Variants in AP1S3 observed in about 807,000 individuals in gnomAD.
AP1S3 encodes the protein adaptor related protein complex 1 subunit sigma 3, also known as AP-1 complex subunit sigma-3.
AP1S3 carries 10 observed loss-of-function variants against 20.9 expected under a neutral mutation model. The ratio of observed to expected loss-of-function variants is 0.48; its 90% CI spans 0.29 to 0.81. The LOEUF (loss-of-function observed/expected upper bound fraction) is 0.81. AP1S3 is among the 30% of genes least tolerant of loss of function. The probability of loss-of-function intolerance (pLI) is 0.08; values close to 1 mark genes in which losing one functional copy is unlikely to be tolerated. For missense variants in AP1S3, 154 were observed against 183.8 expected, an observed-to-expected ratio of 0.84 and a Z score of 0.94; for synonymous variants, 41 against 61.5, an observed-to-expected ratio of 0.67 and a Z score of 1.56.
chr2:223,799,848 A>G (rs1249316782), intron 1 of AP1S3, among the ~76,000 whole-genome samples: 1 of 152,212 alleles, frequency 6.6e-6, no homozygotes, highest in Non-Finnish European at 1.5e-5. Flanking sequence ...ATAATATATA[A>G]ATAGAATTAC....
intron 3 of AP1S3, among the ~76,000 whole-genome samples, chr2:223,771,531 GA>G (rs931263593): frequency 3.9e-5 from 6 of 152,002 alleles, no homozygotes; most frequent in Admixed American, 3.9e-4. Context: ...TCTAGATTCT[GA>G]ATAAAGCTTT....
intron 3 of AP1S3, among the ~76,000 whole-genome samples, chr2:223,766,919 A>C (rs10169504): frequency 0.67 from 101,129 of 151,964 alleles, 34,732 homozygotes; most frequent in African/African-American, 0.82. Flanking sequence ...ACAGATGAAG[A>C]TGGAAACCAT....
rs1052170560 is a variant in AP1S3 at position 223,837,475 on chromosome 2, G to A, written c.-25C>T. ...TCGTGGCTGGGCCGCCGCCTCCCCC[G>A]CCTTGCGAGCAAGGAGCGCTGGAGA... On this transcript the variant is annotated 5_prime_UTR_variant, in exon 1 of 5. Transcript: ENST00000396654. 1.4e-5 allele frequency: 18 copies of A among 1,276,902 alleles called. No homozygotes were observed. Among genetic ancestry groups the A allele is most frequent in the South Asian group, 2.7e-5 (1 of 37,366 alleles). The allele number at this position is 1,276,902 out of a possible 1,614,324, so 79.1% of individuals were successfully genotyped here. A position where few individuals can be genotyped will look rare whatever the true frequency, so the allele number is the denominator to read the frequency against.
At chr2:223,772,478 A>G (rs752732704) in intron 3 of AP1S3, among the ~76,000 whole-genome samples, 7 of 152,176 alleles carry the variant, frequency 4.6e-5, no homozygotes, top group Non-Finnish European at 1.0e-4. Context: ...GTAAAAATTC[A>G]CACTGTAGTC....
At chr2:223,775,563 G>A (rs1219792417) in intron 3 of AP1S3, among the ~76,000 whole-genome samples, 3 of 152,144 alleles carry the variant, frequency 2.0e-5, no homozygotes, top group Non-Finnish European at 4.4e-5. Context: ...TTGGGTGGCT[G>A]GGCACGGTAG....
chr2:223,819,683 C>A (rs141930362), intron 1 of AP1S3, among the ~76,000 whole-genome samples: 19 of 151,560 alleles, frequency 1.3e-4, no homozygotes, highest in Non-Finnish European at 2.1e-4. Context: ...TCCTTTTTGG[C>A]CATTTTTGCT....
intron 1 of AP1S3, among the ~76,000 whole-genome samples, chr2:223,787,096 T>C (rs953737672): frequency 1.9e-4 from 29 of 152,106 alleles, no homozygotes; most frequent in African/African-American, 7.0e-4. Flanking sequence ...GAGTGAGTTA[T>C]TGTGAGATCT....
intron 2 of AP1S3, among the ~76,000 whole-genome samples, chr2:223,777,109 G>A (rs1240995526): frequency 6.6e-6 from 1 of 152,220 alleles, no homozygotes; most frequent in Non-Finnish European, 1.5e-5. Flanking sequence ...AACAATGCCA[G>A]GAATGGCCGG....
chr2:223,779,267 T>C (rs1690865313), intron 1 of AP1S3, among the ~76,000 whole-genome samples: 1 of 152,130 alleles, frequency 6.6e-6, no homozygotes, highest in African/African-American at 2.4e-5. Flanking sequence ...GAAGGTACAG[T>C]ATTTGGTGGC....
At chr2:223,758,815 ATCT>A in intron 4 of AP1S3, 65 bp from the exon 5 acceptor site, 2 of 1,348,190 alleles carry the variant, frequency 1.5e-6, no homozygotes, top group Non-Finnish European at 2.1e-6. Flanking sequence ...AGACTGTGAA[ATCT>A]TCTGCATTCT....
chr2:223,769,822 A>C (rs1416194952), intron 3 of AP1S3, among the ~76,000 whole-genome samples: 3 of 134,550 alleles, frequency 2.2e-5, no homozygotes, highest in Admixed American at 8.7e-5. Context: ...CGGCTCACTG[A>C]AGGCTCCGCC....
At chr2:223,793,654 T>C (rs1691262340) in intron 1 of AP1S3, among the ~76,000 whole-genome samples, 1 of 152,000 alleles carries the variant, frequency 6.6e-6, no homozygotes, top group African/African-American at 2.4e-5. Flanking sequence ...AATACCTAGG[T>C]GATGGGATGA....
chr2:223,786,750 CA>C (rs1691087737), intron 1 of AP1S3, among the ~76,000 whole-genome samples: 1 of 151,846 alleles, frequency 6.6e-6, no homozygotes, highest in Non-Finnish European at 1.5e-5. Context: ...AAAAAAGATA[CA>C]AAAATTAGCC....
intron 1 of AP1S3, among the ~76,000 whole-genome samples, chr2:223,799,076 TAA>T (rs1691410866): frequency 6.6e-6 from 1 of 151,838 alleles, no homozygotes; most frequent in African/African-American, 2.4e-5. Context: ...CATTTCAAAA[TAA>T]AAAGAGAGAG....
chr2:223,792,794 T>C (rs1008847003), intron 1 of AP1S3, among the ~76,000 whole-genome samples: 1 of 152,050 alleles, frequency 6.6e-6, no homozygotes, highest in African/African-American at 2.4e-5. Flanking sequence ...TCCTACAGAA[T>C]GAGAGAAAAT....
chr2:223,771,250 T>A (rs1215809930), intron 3 of AP1S3, among the ~76,000 whole-genome samples: 2 of 151,876 alleles, frequency 1.3e-5, no homozygotes, highest in Non-Finnish European at 2.9e-5. Flanking sequence ...GGCAGGAGAA[T>A]CGTTTGAACC....
chr2:223,812,307 C>T (rs1171316476), intron 1 of AP1S3, among the ~76,000 whole-genome samples: 3 of 152,172 alleles, frequency 2.0e-5, no homozygotes, highest in African/African-American at 2.4e-5. Flanking sequence ...CTGCAACCTC[C>T]ACCTCCTCGG....
At chr2:223,775,050 A>C (rs1690751726) in intron 3 of AP1S3, among the ~76,000 whole-genome samples, 1 of 72,350 alleles carries the variant, frequency 1.4e-5, no homozygotes, top group African/African-American at 6.3e-5. Flanking sequence ...AAGAAGGGCG[A>C]ATTTAAAGAA....
rs985390270 is a variant in AP1S3, at chr2:223,774,234, G to A, written c.291+1667C>T. Among the ~76,000 whole-genome samples the A allele has an allele frequency of 7.9e-5, 12 of 152,046 alleles. No individual in the cohort carries two copies. In the East Asian group the frequency reaches 1.2e-3, roughly 15 times the overall value. ...ATAAAAATGAGCCGGGCATGGTGGC[G>A]GGGGCCCGTAAACCTAGCTACTCAG... is the stretch of plus-strand genomic sequence containing the variant. On this transcript the variant is annotated intron_variant, in intron 3 of 4. Transcript: ENST00000396654.
Sources: gnomAD v4.1 joint callset for allele counts (sites outside exome capture counted in the v4.1 genomes callset) on GRCh38, gnomAD v4.1.1 for gene constraint, MANE v1.5 for transcripts, NCBI Gene and HGNC (gene_info 2026-07-23, HGNC 2026-07-21) for gene names.